Variants in GOT1 observed in about 807,000 individuals in gnomAD.
GOT1 encodes the protein aspartate aminotransferase, cytoplasmic.
GOT1 carries 25 observed loss-of-function variants against 48.2 expected under a neutral mutation model. The observed-to-expected ratio is 0.52, with a 90% CI of 0.38 to 0.72. The LOEUF (loss-of-function observed/expected upper bound fraction) is 0.72. Ranked by LOEUF, GOT1 falls within the 30% of genes least tolerant of loss-of-function variation. The pLI is 0.00. For synonymous variants in GOT1, 188 were observed against 193.8 expected, an observed-to-expected ratio of 0.97 and a Z score of 0.25; for missense variants, 380 against 520.1, an observed-to-expected ratio of 0.73 and a Z score of 2.62.
chr10:99,403,566 T>C lies in GOT1; in HGVS notation c.862A>G (p.Met288Val). 6.2e-6 allele frequency: 10 copies of C among 1,614,130 alleles called. No homozygotes were observed. Among genetic ancestry groups the C allele is most frequent in the Non-Finnish European group, 8.5e-6 (10 of 1,179,976 alleles). Residue 288 changes from methionine to valine, a missense_variant, in exon 7 of 9, where the codon ATG becomes GTG. Physicochemically the swap from Met to Val is conservative, Grantham distance 21. Transcript: ENST00000370508. ...PESILQVLSQ[M>V]EKIVRITWSN... Reference sequence around the variant, plus strand: ...CAAGTAATCCGCACGATCTTCTCCATCTGGGAAAGGACTTGCAGGATGCTC... The same window carrying C: ...CAAGTAATCCGCACGATCTTCTCCACCTGGGAAAGGACTTGCAGGATGCTC...
At position 99,405,791 on chromosome 10, in the gene GOT1, G is replaced by A; in HGVS notation, c.607C>T (p.Pro203Ser). 2 of 1,608,602 alleles carry A rather than the reference G, an allele frequency of 1.2e-6. No homozygotes were observed. Among genetic ancestry groups the A allele is most frequent in the Admixed American group, 1.7e-5 (1 of 59,998 alleles). Residue 203 changes from proline to serine, a missense_variant, in exon 5 of 9, where the codon CCG (proline) becomes TCG (serine). Coordinates refer to ENST00000370508, the MANE Select transcript of GOT1 (RefSeq NM_002079.3). ...GAAGCAATCTGCTTCCACTGCTCCGGAGTTGGGTCAATCCCAGTTGGGTTG... is the reference window on the plus strand; with the variant it reads ...GAAGCAATCTGCTTCCACTGCTCCGAAGTTGGGTCAATCCCAGTTGGGTTG... ...AHNPTGIDPTPEQWKQIASVM... is the reference protein window; with the variant it reads ...AHNPTGIDPTSEQWKQIASVM...
intron 2 of GOT1, among the ~76,000 whole-genome samples, chr10:99,412,437 C>T (rs2032838504): frequency 6.6e-6 from 1 of 151,496 alleles, no homozygotes; most frequent in Non-Finnish European, 1.5e-5. Context: ...AGGGAAGAGA[C>T]TAGAGGCAGG....
intron 1 of GOT1, among the ~76,000 whole-genome samples, chr10:99,429,256 A>G (rs375523980): frequency 6.6e-6 from 1 of 151,810 alleles, no homozygotes; most frequent in African/African-American, 2.4e-5. Context: ...TCACCGTGTT[A>G]GCCACGATGG....
chr10:99,425,811 T>C (rs1053977241), intron 1 of GOT1, among the ~76,000 whole-genome samples: 5 of 151,906 alleles, frequency 3.3e-5, no homozygotes, highest in Admixed American at 1.3e-4. Context: ...ACATGCTGAA[T>C]TTGAGGGAGT....
chr10:99,401,870 C>T (rs910175504), intron 8 of GOT1, among the ~76,000 whole-genome samples: 2 of 151,310 alleles, frequency 1.3e-5, no homozygotes, highest in Admixed American at 6.6e-5. Context: ...TGCAGTGGTG[C>T]GGTCTCGACT....
chr10:99,415,292 C>T (rs1166496661), intron 2 of GOT1, among the ~76,000 whole-genome samples: 1 of 152,122 alleles, frequency 6.6e-6, no homozygotes, highest in Non-Finnish European at 1.5e-5. Flanking sequence ...TACAAACTAC[C>T]ATCAGAGAAT....
At chr10:99,408,561 A>G (rs2032790823) in intron 2 of GOT1, among the ~76,000 whole-genome samples, 1 of 152,182 alleles carries the variant, frequency 6.6e-6, no homozygotes, top group Admixed American at 6.5e-5. Context: ...TCCTAAAAAT[A>G]CAAGAAAATT....
chr10:99,430,601 G>T lies in GOT1; in HGVS notation c.-36C>A, dbSNP rs1308318308. 5 of 1,521,620 alleles carry T rather than the reference G, an allele frequency of 3.3e-6. No homozygotes were observed. Among genetic ancestry groups the T allele is most frequent in the Non-Finnish European group, 4.5e-6 (5 of 1,118,494 alleles). 94.3% of individuals were successfully genotyped at this position (1,521,620 alleles called of 1,614,324 possible). On this transcript the variant is annotated 5_prime_UTR_variant, in exon 1 of 9. Transcript: ENST00000370508. The stretch of plus-strand genomic sequence containing the variant: ...TAGGAATCAAGAGATTTCACCCCAC[G>T]CCCGGAGCTGGCAGGTCAGGTCTGG...
rs769195018 is a variant in GOT1 at position 99,403,857 on chromosome 10, G to T, written c.660C>A (p.Pro220=). The T allele has an allele frequency of 1.2e-6, 2 of 1,613,818 alleles. No homozygotes were observed. The highest frequency in any genetic ancestry group is 8.5e-7 in the Non-Finnish European group (1 of 1,180,020). Residue 220 remains proline, a synonymous_variant, in exon 6 of 9, where the codon CCC becomes CCA. Transcript: ENST00000370508. ...ASVMKHRFLF[P]FFDSAYQGFA... is the part of the protein sequence containing the mutation. ...AGCCCTGATAGGCTGAGTCAAAGAA[G>T]GGGAACAGAAACCGGTGCTGCGGGG...
chr10:99,409,792 T>G (rs1341619252), intron 2 of GOT1, among the ~76,000 whole-genome samples: 1 of 152,150 alleles, frequency 6.6e-6, no homozygotes, highest in South Asian at 2.1e-4. Flanking sequence ...TGAAAATGAC[T>G]GAAAAAAATT....
At chr10:99,422,734 T>G (rs2134108918) in intron 1 of GOT1, among the ~76,000 whole-genome samples, 1 of 152,338 alleles carries the variant, frequency 6.6e-6, no homozygotes, top group African/African-American at 2.4e-5. Context: ...ACATATGCCC[T>G]TTTAAACAAA....
intron 2 of GOT1, among the ~76,000 whole-genome samples, chr10:99,417,608 T>G (rs1379062166): frequency 6.6e-6 from 1 of 152,248 alleles, no homozygotes; most frequent in African/African-American, 2.4e-5. Context: ...TAAATCATGC[T>G]GCTATAAAGA....
Position 99,430,133 on chromosome 10 carries a change from T to A in GOT1, c.118+315A>T, listed in dbSNP as rs1474580370. On this transcript the variant is annotated intron_variant, in intron 1 of 8. Coordinates refer to ENST00000370508, the MANE Select transcript of GOT1 (RefSeq NM_002079.3). ...TATTTTTCTACCTCTCTCTACAAGCTCCGGCAGCCTCATTTCTTAGGAGGA... is the reference window on the plus strand; with the variant it reads ...TATTTTTCTACCTCTCTCTACAAGCACCGGCAGCCTCATTTCTTAGGAGGA... 21 of 558,910 alleles carry A rather than the reference T, an allele frequency of 3.8e-5. No homozygotes were observed. In the Admixed American group the frequency reaches 4.6e-4, roughly 12 times the overall value. The allele number at this position is 558,910 out of a possible 1,614,324, so 34.6% of individuals were successfully genotyped here.
chr10:99,403,793 G>A lies in GOT1; in HGVS notation c.724C>T (p.Arg242Cys). 1 of 1,614,052 alleles carries A rather than the reference G, an allele frequency of 6.2e-7. No homozygotes were observed. The highest frequency in any genetic ancestry group is 8.5e-7 in the Non-Finnish European group (1 of 1,179,940). Reference protein sequence around the residue: ...GNLERDAWAIRYFVSEGFEFF... With the variant: ...GNLERDAWAICYFVSEGFEFF... ...TCGAAGCCTTCAGACACAAAATAGCGAATGGCCCAGGCATCTCTCTCCAGG... is the reference window on the plus strand; with the variant it reads ...TCGAAGCCTTCAGACACAAAATAGCAAATGGCCCAGGCATCTCTCTCCAGG... The change falls in exon 6 of 9, where the codon CGC becomes TGC. Residue 242 changes from arginine to cysteine, a missense_variant. Coordinates refer to ENST00000370508, the MANE Select transcript of GOT1 (RefSeq NM_002079.3).
intron 1 of GOT1, among the ~76,000 whole-genome samples, chr10:99,426,289 G>T (rs1201346986): frequency 6.6e-6 from 1 of 152,062 alleles, no homozygotes; most frequent in Non-Finnish European, 1.5e-5. Context: ...CTACAGGTGG[G>T]CCCAGCAGTC....
chr10:99,414,498 T>G (rs1399070547), intron 2 of GOT1, among the ~76,000 whole-genome samples: 1 of 152,080 alleles, frequency 6.6e-6, no homozygotes, highest in Non-Finnish European at 1.5e-5. Flanking sequence ...ATAGGAGACT[T>G]TAACACCCCA....
chr10:99,427,557 C>T (rs1004308827), intron 1 of GOT1, among the ~76,000 whole-genome samples: 4 of 152,354 alleles, frequency 2.6e-5, no homozygotes, highest in African/African-American at 7.2e-5. Context: ...GCGTGAGCCA[C>T]CATGCCTGGC....
intron 1 of GOT1, among the ~76,000 whole-genome samples, chr10:99,422,264 G>T (rs2032980484): frequency 1.3e-5 from 2 of 152,172 alleles, no homozygotes; most frequent in African/African-American, 2.4e-5. Flanking sequence ...CTCCATGATT[G>T]TAAGTTTCCT....
At chr10:99,417,127 T>C (rs1452122660) in intron 2 of GOT1, among the ~76,000 whole-genome samples, 2 of 152,136 alleles carry the variant, frequency 1.3e-5, no homozygotes, top group Non-Finnish European at 2.9e-5. Context: ...GAAACTACCA[T>C]CAGAGTGAAC....
Sources: gnomAD v4.1 joint callset for allele counts (sites outside exome capture counted in the v4.1 genomes callset) on GRCh38, gnomAD v4.1.1 for gene constraint, MANE v1.5 for transcripts, NCBI Gene and HGNC (gene_info 2026-07-23, HGNC 2026-07-21) for gene names.